The following RGS3 variants were observed in gnomAD, a reference collection of about 807,000 sequenced individuals.
RGS3 encodes regulator of G-protein signalling 3.
Under a neutral mutation model 132.6 loss-of-function variants are expected in RGS3, and 80 were observed. The observed-to-expected ratio is 0.60, with a 90% CI of 0.50 to 0.73. The LOEUF is 0.73. Among genes scored for constraint, RGS3 ranks in the 30% least tolerant of loss-of-function variants. RGS3 has a pLI of 0.00. For synonymous variants in RGS3, 598 were observed against 620.6 expected (o/e 0.96, Z 0.54); for missense variants, 1,382 against 1,530.8 (o/e 0.90, Z 1.62).
intron 19 of RGS3, among the ~76,000 whole-genome samples, chr9:113,540,411 C>T (rs1363831222): frequency 2.0e-5 from 3 of 152,158 alleles, no homozygotes; most frequent in African/African-American, 4.8e-5. Flanking sequence ...TGGTCCCTGT[C>T]GCTATGGAAT....
At position 113,479,736 on chromosome 9, in the gene RGS3, A is replaced by G. The variant is rs73655863; in HGVS notation, c.466+195A>G. 7.0e-3 allele frequency among the ~76,000 whole-genome samples: 1,061 copies of G among 152,230 alleles called. 9 individuals are homozygous for G. The highest frequency in any genetic ancestry group is 0.02 in the Middle Eastern group (6 of 294). ...TAGAGCAGCCCTGGTCCTGCCTTGG[A>G]TGTGTCTGGAGTCCACATGGTAGAC... is the stretch of plus-strand genomic sequence containing the variant. On this transcript the variant is annotated intron_variant, in intron 4 of 24. Transcript: ENST00000350696.
chr9:113,468,978 G>A (rs1829736328), intron 3 of RGS3, among the ~76,000 whole-genome samples: 1 of 152,072 alleles, frequency 6.6e-6, no homozygotes, highest in African/African-American at 2.4e-5. Flanking sequence ...TTTGCCATAG[G>A]GAAGTTGGGA....
At chr9:113,479,175 C>G (rs1830083604) in intron 3 of RGS3, 2 of 367,052 alleles carry the variant, frequency 5.4e-6, no homozygotes, top group East Asian at 1.0e-4. Context: ...TACACCTTTA[C>G]CAACATTTGA....
intron 3 of RGS3, among the ~76,000 whole-genome samples, chr9:113,469,751 G>A (rs1306343036): frequency 2.0e-5 from 3 of 152,030 alleles, no homozygotes; most frequent in African/African-American, 4.8e-5. Flanking sequence ...CCTTGGGTTA[G>A]TTAGAAGTAT....
At chr9:113,541,884 C>G in intron 19 of RGS3, 1 of 985,862 alleles carries the variant, frequency 1.0e-6, no homozygotes, top group African/African-American at 1.7e-5. Context: ...ATGGATATTT[C>G]GGGTGCATCT....
chr9:113,555,851 G>T (rs1833545221), intron 19 of RGS3, among the ~76,000 whole-genome samples: 1 of 152,186 alleles, frequency 6.6e-6, no homozygotes, highest in African/African-American at 2.4e-5. Flanking sequence ...AGTAGTTAAG[G>T]CTCTAAATGT....
At chr9:113,480,266 G>A (rs1274515512) in intron 4 of RGS3, among the ~76,000 whole-genome samples, 2 of 151,930 alleles carry the variant, frequency 1.3e-5, no homozygotes, top group Non-Finnish European at 2.9e-5. Flanking sequence ...AGACCGGCCT[G>A]GCCAACATAC....
intron 19 of RGS3, chr9:113,582,268 T>A (rs1196029564): frequency 8.9e-6 from 8 of 902,356 alleles, no homozygotes; most frequent in East Asian, 2.4e-4. Flanking sequence ...TTGGGCTCAG[T>A]TTTCTCATCC....
At chr9:113,566,814 G>A (rs577605972) in intron 19 of RGS3, among the ~76,000 whole-genome samples, 2 of 152,344 alleles carry the variant, frequency 1.3e-5, no homozygotes, top group Non-Finnish European at 1.5e-5. Flanking sequence ...TCAAGGGAAG[G>A]AGCCGCAGAG....
chr9:113,536,278 C>A (rs1311145577), intron 18 of RGS3, among the ~76,000 whole-genome samples: 2 of 152,166 alleles, frequency 1.3e-5, no homozygotes, highest in African/African-American at 4.8e-5. Flanking sequence ...TTCCAAAGGA[C>A]CCTGAGTTGC....
At chr9:113,469,732 T>C (rs1829768947) in intron 3 of RGS3, among the ~76,000 whole-genome samples, 1 of 152,208 alleles carries the variant, frequency 6.6e-6, no homozygotes, top group South Asian at 2.1e-4. Flanking sequence ...TTGTCATTTC[T>C]TTTTCAATCC....
intron 17 of RGS3, among the ~76,000 whole-genome samples, chr9:113,527,925 A>G (rs893091759): frequency 6.6e-6 from 1 of 152,178 alleles, no homozygotes; most frequent in African/African-American, 2.4e-5. Context: ...TGTGGTGGGC[A>G]TTTGAGAGGT....
intron 15 of RGS3, 58 bp from the exon 14 acceptor site, chr9:113,517,483 C>A (rs1352192652): frequency 1.4e-6 from 2 of 1,414,714 alleles, no homozygotes; most frequent in Non-Finnish European, 2.0e-6. Flanking sequence ...TGCTTCCTCC[C>A]CCCGGGTCCT....
intron 16 of RGS3, 58 bp from the exon 15 acceptor site, chr9:113,522,872 C>G: frequency 8.9e-7 from 1 of 1,125,266 alleles, no homozygotes; most frequent in East Asian, 2.4e-5. Flanking sequence ...GAGGTTGTGG[C>G]TCTCAGCCTC....
intron 17 of RGS3, among the ~76,000 whole-genome samples, chr9:113,526,937 C>T (rs1012572560): frequency 4.6e-5 from 7 of 152,192 alleles, no homozygotes; most frequent in African/African-American, 1.7e-4. Context: ...TGGGTCAGCC[C>T]CTTGCAGCCT....
At chr9:113,592,652 T>G (rs1835500813) in intron 21 of RGS3, 1 of 152,054 alleles carries the variant, frequency 6.6e-6, no homozygotes, top group Non-Finnish European at 1.5e-5. Context: ...CCCAGCAAAT[T>G]TTTTTTGTAC....
intron 10 of RGS3, among the ~76,000 whole-genome samples, chr9:113,502,488 A>G (rs1830944792): frequency 6.6e-6 from 1 of 152,178 alleles, no homozygotes; most frequent in South Asian, 2.1e-4. Flanking sequence ...TAGGGGATCC[A>G]GTGTTTTCTC....
At chr9:113,473,587 A>G (rs879217536) in intron 3 of RGS3, among the ~76,000 whole-genome samples, 5 of 152,202 alleles carry the variant, frequency 3.3e-5, no homozygotes, top group African/African-American at 1.2e-4. Context: ...GAGTCTTGCT[A>G]TGTTGCCTAG....
At chr9:113,570,992 G>C (rs1271737474) in intron 19 of RGS3, among the ~76,000 whole-genome samples, 1 of 152,122 alleles carries the variant, frequency 6.6e-6, no homozygotes, top group Non-Finnish European at 1.5e-5. Context: ...TTGTGTAAAT[G>C]GAATCATTGG....
Sources: gnomAD v4.1 joint callset for allele counts (sites outside exome capture counted in the v4.1 genomes callset) on GRCh38, gnomAD v4.1.1 for gene constraint, MANE v1.5 for transcripts, NCBI Gene and HGNC (gene_info 2026-07-23, HGNC 2026-07-21) for gene names.